The following KIAA0586 variants were observed in gnomAD, a reference collection of about 807,000 sequenced individuals.
KIAA0586 encodes the protein protein TALPID3.
A neutral mutation model predicts 169.8 loss-of-function variants in KIAA0586; 144 were observed. The ratio of observed to expected loss-of-function variants is 0.85; its 90% confidence interval spans 0.74 to 0.97. The LOEUF (loss-of-function observed/expected upper bound fraction) is 0.97, where lower values mean the gene tolerates loss of function less well. KIAA0586 is among the 50% of genes least tolerant of loss of function. The probability of loss-of-function intolerance (pLI) is 0.00; values close to 1 mark genes in which losing one functional copy is unlikely to be tolerated. For synonymous variants in KIAA0586, 625 were observed against 612.4 expected (o/e 1.02, Z -0.30); for missense variants, 1,854 against 1,823.0 (o/e 1.02, Z -0.31).
At chr14:58,513,404 A>G (rs571222916) in intron 29 of KIAA0586, among the ~76,000 whole-genome samples, 20 of 152,162 alleles carry the variant, frequency 1.3e-4, no homozygotes, top group African/African-American at 4.8e-4. Context: ...AATGCATATT[A>G]TTGAATGCCG....
At chr14:58,484,890 T>TTATATATATATAA (rs2042276312) in intron 21 of KIAA0586, among the ~76,000 whole-genome samples, 7 of 32,288 alleles carry the variant, frequency 2.2e-4, no homozygotes, top group African/African-American at 9.4e-4. Context: ...ATATATATAT[T>TTATATATATATAA]TATATATATA....
intron 30 of KIAA0586, among the ~76,000 whole-genome samples, chr14:58,543,131 CAAAAAA>C (rs35632146): frequency 8.3e-6 from 1 of 119,956 alleles, no homozygotes; most frequent in Non-Finnish European, 1.8e-5. Context: ...GATTACGTCT[CAAAAAA>C]AAAAAAAAAA....
At chr14:58,446,496 TAAC>T (rs1303349581) in intron 6 of KIAA0586, among the ~76,000 whole-genome samples, 4 of 151,700 alleles carry the variant, frequency 2.6e-5, no homozygotes, top group East Asian at 1.9e-4. Context: ...GACTCTATCT[TAAC>T]AACAACAACA....
chr14:58,437,089 T>C (rs951787895), intron 4 of KIAA0586, among the ~76,000 whole-genome samples: 3 of 152,236 alleles, frequency 2.0e-5, no homozygotes, highest in African/African-American at 7.2e-5. Flanking sequence ...GAATTGGCTC[T>C]GGAGTTTTCA....
chr14:58,507,709 G>T (rs1362324572), intron 27 of KIAA0586, among the ~76,000 whole-genome samples: 1 of 152,124 alleles, frequency 6.6e-6, no homozygotes, highest in African/African-American at 2.4e-5. Context: ...CAAAGGTACA[G>T]TGGTTAGATA....
At chr14:58,448,587 G>T in intron 7 of KIAA0586, 94 bp downstream of exon 7, 1 of 802,702 alleles carries the variant, frequency 1.2e-6, no homozygotes, top group East Asian at 3.1e-5. Flanking sequence ...AGCAGTAGGA[G>T]TTTTTGTTTT....
intron 29 of KIAA0586, among the ~76,000 whole-genome samples, chr14:58,533,566 G>A (rs1463063685): frequency 2.0e-5 from 3 of 152,060 alleles, no homozygotes; most frequent in South Asian, 2.1e-4. Flanking sequence ...CATTTGTGTT[G>A]CCCATCTAGT....
chr14:58,520,157 A>G (rs1719049197), intron 29 of KIAA0586, among the ~76,000 whole-genome samples: 1 of 152,216 alleles, frequency 6.6e-6, no homozygotes, highest in Non-Finnish European at 1.5e-5. Flanking sequence ...TGAGAAAGAA[A>G]AATCGTGTTG....
chr14:58,437,167 C>T (rs1203852743), intron 4 of KIAA0586, among the ~76,000 whole-genome samples: 1 of 151,958 alleles, frequency 6.6e-6, no homozygotes, highest in Non-Finnish European at 1.5e-5. Flanking sequence ...GAATCATGCT[C>T]AGTTGGAGAG....
chr14:58,437,005 T>G (rs2037879036), intron 4 of KIAA0586, among the ~76,000 whole-genome samples: 1 of 152,178 alleles, frequency 6.6e-6, no homozygotes, highest in Non-Finnish European at 1.5e-5. Context: ...ATTAGATATA[T>G]TTCTTAAAAT....
intron 27 of KIAA0586, among the ~76,000 whole-genome samples, chr14:58,505,565 C>T (rs1381434821): frequency 6.6e-6 from 1 of 152,072 alleles, no homozygotes; most frequent in Non-Finnish European, 1.5e-5. Context: ...AAGTTTAAAC[C>T]AATTTATTTT....
chr14:58,454,598 C>A (rs943839925), intron 9 of KIAA0586, among the ~76,000 whole-genome samples: 1 of 152,206 alleles, frequency 6.6e-6, no homozygotes, highest in African/African-American at 2.4e-5. Flanking sequence ...GGTCTGTTAG[C>A]AGTGAATTTT....
intron 4 of KIAA0586, among the ~76,000 whole-genome samples, chr14:58,441,680 C>T (rs1217058296): frequency 6.6e-6 from 1 of 152,122 alleles, no homozygotes; most frequent in East Asian, 1.9e-4. Flanking sequence ...GTCACCCAGG[C>T]TAGAGTGCAG....
chr14:58,464,205 A>T, intron 14 of KIAA0586: 1 of 322,502 alleles, frequency 3.1e-6, no homozygotes, highest in Non-Finnish European at 6.0e-6. Flanking sequence ...CTGGAACATC[A>T]TTTTTCTGAG....
chr14:58,468,051 AT>A (rs2040910673), intron 16 of KIAA0586, 129 bp downstream of exon 16: 4 of 605,420 alleles, frequency 6.6e-6, no homozygotes, highest in Non-Finnish European at 1.1e-5. Context: ...TTTTAAATTT[AT>A]TTTTATTTTT....
intron 27 of KIAA0586, among the ~76,000 whole-genome samples, chr14:58,501,526 C>G (rs1376620083): frequency 6.6e-6 from 1 of 152,160 alleles, no homozygotes; most frequent in Non-Finnish European, 1.5e-5. Flanking sequence ...AGGAGATAGC[C>G]TCTTCAGTCC....
chr14:58,459,635 G>T (rs1025398647), intron 12 of KIAA0586, among the ~76,000 whole-genome samples: 125 of 152,104 alleles, frequency 8.2e-4, no homozygotes, highest in African/African-American at 2.9e-3. Context: ...CACTCCAAAA[G>T]ATACTAGTCT....
At chr14:58,527,165 A>C (rs974596083) in intron 29 of KIAA0586, among the ~76,000 whole-genome samples, 1 of 152,154 alleles carries the variant, frequency 6.6e-6, no homozygotes, top group Non-Finnish European at 1.5e-5. Flanking sequence ...AAAAAGAATG[A>C]AAAGGAATGA....
intron 6 of KIAA0586, among the ~76,000 whole-genome samples, chr14:58,445,825 A>C (rs1272505604): frequency 3.6e-5 from 5 of 137,660 alleles, no homozygotes; most frequent in Non-Finnish European, 7.7e-5. Context: ...AATGATCAGC[A>C]TTGTAAATGT....
Sources: allele counts gnomAD v4.1 joint callset (sites outside exome capture counted in the v4.1 genomes callset), GRCh38; gene constraint gnomAD v4.1.1; transcripts MANE v1.5; gene names NCBI Gene and HGNC (gene_info 2026-07-23, HGNC 2026-07-21).